The following SUPT3H variants were observed in gnomAD, a reference collection of about 807,000 sequenced individuals.
The protein encoded by SUPT3H is transcription initiation protein SPT3 homolog.
SUPT3H carries 44 observed loss-of-function variants against 44.3 expected under a neutral mutation model. The observed-to-expected ratio is 0.99, with a 90% confidence interval of 0.78 to 1.28. SUPT3H has a LOEUF of 1.28. Ranked by LOEUF, SUPT3H falls within the 50% of genes most tolerant of loss-of-function variation. The probability of loss-of-function intolerance (pLI) is 0.00; values close to 1 mark genes in which losing one functional copy is unlikely to be tolerated. For missense variants in SUPT3H, 380 were observed against 387.1 expected (o/e 0.98, Z 0.15); for synonymous variants, 124 against 125.6 (o/e 0.99, Z 0.09).
chr6:45,323,211 T>C (rs923335995), intron 2 of SUPT3H, among the ~76,000 whole-genome samples: 3 of 152,142 alleles, frequency 2.0e-5, no homozygotes, highest in African/African-American at 7.2e-5. Flanking sequence ...ATTCAAAAAC[T>C]CTATTATGTT....
At chr6:44,992,924 G>A (rs555495746) in intron 6 of SUPT3H, among the ~76,000 whole-genome samples, 3 of 152,244 alleles carry the variant, frequency 2.0e-5, no homozygotes, top group African/African-American at 7.2e-5. Context: ...AGCATTTTGG[G>A]AGGCTAAGAT....
chr6:45,264,160 T>TA (rs1395362459), intron 2 of SUPT3H, among the ~76,000 whole-genome samples: 1 of 152,180 alleles, frequency 6.6e-6, no homozygotes, highest in African/African-American at 2.4e-5. Flanking sequence ...ACTTATTTTT[T>TA]AAAAAATTTA....
intron 2 of SUPT3H, among the ~76,000 whole-genome samples, chr6:45,140,761 A>G (rs1348559615): frequency 6.6e-6 from 1 of 152,110 alleles, no homozygotes; most frequent in Non-Finnish European, 1.5e-5. Flanking sequence ...ACCAGCCCAG[A>G]GCCTGGTAGC....
In SUPT3H at chr6:45,274,984, T is replaced by C. The variant is rs557364458; in HGVS notation, c.101+90217A>G. On this transcript the variant is annotated intron_variant, in intron 2 of 10. Transcript: ENST00000371459. ...TTTTTTCTATTAATGAGGCATATTA[T>C]ATTAATTGATTTTTGGATGCTGAAC... 1.1e-3 allele frequency among the ~76,000 whole-genome samples: 161 copies of C among 152,346 alleles called. 1 individual carries two copies. Among genetic ancestry groups the C allele is most frequent in the South Asian group, 3.9e-3 (19 of 4,830 alleles).
chr6:44,891,587 A>G (rs1582275640), intron 10 of SUPT3H, among the ~76,000 whole-genome samples: 1 of 152,092 alleles, frequency 6.6e-6, no homozygotes, highest in Admixed American at 6.6e-5. Context: ...GCTATTAGGG[A>G]TTGGGGTTGG....
chr6:45,187,172 T>G (rs909905923), intron 2 of SUPT3H, among the ~76,000 whole-genome samples: 4 of 143,778 alleles, frequency 2.8e-5, no homozygotes, highest in Non-Finnish European at 6.0e-5. Context: ...CCCAACACTC[T>G]GGGAGGCGGA....
At chr6:45,224,781 A>T (rs1417413710) in intron 2 of SUPT3H, among the ~76,000 whole-genome samples, 1 of 151,200 alleles carries the variant, frequency 6.6e-6, no homozygotes, top group Non-Finnish European at 1.5e-5. Flanking sequence ...TTGTCTCCAA[A>T]AAAAAAAAAG....
intron 2 of SUPT3H, chr6:45,321,711 T>C (rs1785522742): frequency 1.1e-6 from 1 of 949,836 alleles, no homozygotes. Context: ...CTCTAAACAA[T>C]CTATTTGTAT....
chr6:44,994,346 C>T (rs1425407606), intron 6 of SUPT3H, among the ~76,000 whole-genome samples: 6 of 152,102 alleles, frequency 3.9e-5, no homozygotes, highest in African/African-American at 9.7e-5. Flanking sequence ...ATTTTTACCA[C>T]GTTGTGTCTT....
intron 2 of SUPT3H, among the ~76,000 whole-genome samples, chr6:45,331,228 C>G (rs1210920829): frequency 1.3e-5 from 2 of 151,938 alleles, no homozygotes; most frequent in Admixed American, 1.3e-4. Context: ...CTGTACTACT[C>G]AAAATCTGTC....
chr6:45,013,664 G>T (rs1172295554), intron 5 of SUPT3H, among the ~76,000 whole-genome samples: 1 of 152,084 alleles, frequency 6.6e-6, no homozygotes, highest in Non-Finnish European at 1.5e-5. Context: ...CCTATGAGCT[G>T]AGGTTAAGTG....
intron 2 of SUPT3H, among the ~76,000 whole-genome samples, chr6:45,111,241 C>T (rs1800011019): frequency 1.3e-5 from 2 of 152,098 alleles, no homozygotes; most frequent in African/African-American, 4.8e-5. Context: ...CCATGTTGGC[C>T]AGGCTGGTCT....
intron 2 of SUPT3H, among the ~76,000 whole-genome samples, chr6:45,116,767 T>C (rs1179872286): frequency 1.3e-5 from 2 of 152,154 alleles, no homozygotes; most frequent in African/African-American, 4.8e-5. Flanking sequence ...TTTAAAAGTG[T>C]ACAATTCAAT....
At chr6:44,896,543 T>C (rs1166881067) in intron 10 of SUPT3H, among the ~76,000 whole-genome samples, 1 of 152,192 alleles carries the variant, frequency 6.6e-6, no homozygotes, top group South Asian at 2.1e-4. Flanking sequence ...TGGTTAGTGA[T>C]GGAACAGATT....
chr6:44,820,499 G>C (rs1241219058), intron 11 of SUPT3H, among the ~76,000 whole-genome samples: 1 of 152,194 alleles, frequency 6.6e-6, no homozygotes, highest in Non-Finnish European at 1.5e-5. Context: ...CTAAAGGCTG[G>C]AGAAGAACCA....
chr6:45,014,351 G>A (rs1783928955), intron 5 of SUPT3H, among the ~76,000 whole-genome samples: 1 of 152,030 alleles, frequency 6.6e-6, no homozygotes, highest in South Asian at 2.1e-4. Context: ...TCATTTAGTG[G>A]CAGGCAGGTA....
intron 9 of SUPT3H, among the ~76,000 whole-genome samples, chr6:44,941,810 T>C (rs922473908): frequency 6.6e-6 from 1 of 152,170 alleles, no homozygotes; most frequent in Non-Finnish European, 1.5e-5. Flanking sequence ...TATTATTATA[T>C]GCAGGATTAC....
At chr6:45,277,052 T>A (rs565969230) in intron 2 of SUPT3H, among the ~76,000 whole-genome samples, 1 of 152,318 alleles carries the variant, frequency 6.6e-6, no homozygotes, top group African/African-American at 2.4e-5. Context: ...CTCAATATAT[T>A]AAACCATTTA....
Position 44,828,922 on chromosome 6 carries a change from C to T in SUPT3H, c.*894G>A, listed in dbSNP as rs752921065. The T allele has an allele frequency of 4.6e-5, 7 of 152,594 alleles. No homozygotes were observed. The highest frequency in any genetic ancestry group is 7.4e-5 in the Non-Finnish European group (5 of 68,022). The allele number at this position is 152,594 out of a possible 1,614,324, so 9.5% of individuals were successfully genotyped here. A position where few individuals can be genotyped will look rare whatever the true frequency, so the allele number is the denominator to read the frequency against. On this transcript the variant is annotated 3_prime_UTR_variant, in exon 11 of 11. Coordinates refer to ENST00000371459, the MANE Select transcript of SUPT3H (RefSeq NM_003599.4). ...TATTTTGGTTTGTTCCAAAGAGTTA[C>T]GGTTCCTCATTTACTGGAGAAAGTA... is the stretch of plus-strand genomic sequence containing the variant.
Sources: allele counts gnomAD v4.1 joint callset (sites outside exome capture counted in the v4.1 genomes callset), GRCh38; gene constraint gnomAD v4.1.1; transcripts MANE v1.5; gene names NCBI Gene and HGNC (gene_info 2026-07-23, HGNC 2026-07-21).